Variants in PDE4D observed in about 807,000 individuals in gnomAD.
The protein encoded by PDE4D is phosphodiesterase 4D, also known as 3',5'-cyclic-AMP phosphodiesterase 4D.
PDE4D carries 24 observed loss-of-function variants against 87.4 expected under a neutral mutation model. That is an observed-to-expected ratio of 0.27 (90% confidence interval 0.20 to 0.39). The LOEUF is 0.39. PDE4D is among the 10% of genes least tolerant of loss of function. The probability of loss-of-function intolerance (pLI) is 1.00; values close to 1 mark genes in which losing one functional copy is unlikely to be tolerated. For synonymous variants in PDE4D, 384 were observed against 383.2 expected (o/e 1.00, Z -0.02); for missense variants, 714 against 1,041.0 (o/e 0.69, Z 4.32).
intron 1 of PDE4D, among the ~76,000 whole-genome samples, chr5:59,678,299 A>T (rs1748448834): frequency 2.0e-5 from 3 of 152,194 alleles, no homozygotes; most frequent in Admixed American, 1.3e-4. Context: ...AAATACAAGG[A>T]GATAAAGAAT....
intron 2 of PDE4D, among the ~76,000 whole-genome samples, chr5:60,126,426 T>C (rs1424304242): frequency 6.6e-6 from 1 of 152,220 alleles, no homozygotes. Flanking sequence ...AGATTTTTTA[T>C]CTGAGTATTT....
At chr5:60,293,847 TAATATGTGGGTTTATG>T (rs1279906140) in intron 1 of PDE4D, among the ~76,000 whole-genome samples, 17 of 152,178 alleles carry the variant, frequency 1.1e-4, no homozygotes, top group African/African-American at 1.4e-4. Flanking sequence ...CTCTTTTGAT[TAATATGTGGGTTTATG>T]AATATGTGGG....
At chr5:59,975,564 T>C (rs1761234556) in intron 3 of PDE4D, among the ~76,000 whole-genome samples, 1 of 152,206 alleles carries the variant, frequency 6.6e-6, no homozygotes, top group Admixed American at 6.5e-5. Context: ...TTCAAATACC[T>C]TCAAATCCCT....
At chr5:59,888,635 T>C (rs1750508083) in intron 1 of PDE4D, among the ~76,000 whole-genome samples, 1 of 152,168 alleles carries the variant, frequency 6.6e-6, no homozygotes, top group African/African-American at 2.4e-5. Flanking sequence ...AGTTTTCCAA[T>C]ATGCTTTTTT....
intron 2 of PDE4D, among the ~76,000 whole-genome samples, chr5:59,990,011 A>C (rs1762845733): frequency 6.6e-6 from 1 of 152,200 alleles, no homozygotes; most frequent in Non-Finnish European, 1.5e-5. Flanking sequence ...CATTGGGATT[A>C]GCACTCATAT....
chr5:60,319,794 A>G (rs1296883119), intron 1 of PDE4D, among the ~76,000 whole-genome samples: 1 of 152,204 alleles, frequency 6.6e-6, no homozygotes, highest in Non-Finnish European at 1.5e-5. Context: ...GCTGCAGAAC[A>G]GTGGATATTG....
intron 1 of PDE4D, among the ~76,000 whole-genome samples, chr5:59,770,740 G>GA (rs1581022244): frequency 1.3e-5 from 2 of 152,154 alleles, no homozygotes; most frequent in African/African-American, 4.8e-5. Flanking sequence ...AAATATTTTA[G>GA]AAAAAATCTC....
At chr5:60,037,361 C>A (rs1767930435) in intron 2 of PDE4D, among the ~76,000 whole-genome samples, 1 of 152,068 alleles carries the variant, frequency 6.6e-6, no homozygotes, top group Non-Finnish European at 1.5e-5. Flanking sequence ...CTTATTGGTA[C>A]TAGATCTTTA....
At chr5:59,835,171 A>G (rs1313581596) in intron 1 of PDE4D, among the ~76,000 whole-genome samples, 1 of 152,068 alleles carries the variant, frequency 6.6e-6, no homozygotes, top group Non-Finnish European at 1.5e-5. Flanking sequence ...TATTCTTGAG[A>G]AATTACTCAA....
chr5:60,463,494 CAT>C lies in PDE4D; in HGVS notation c.-90+24446_-90+24447del, dbSNP rs1185642073. Among the ~76,000 whole-genome samples the C allele has an allele frequency of 9.2e-5, 14 of 152,202 alleles. No individual in the cohort carries two copies. In the East Asian group the frequency reaches 2.7e-3, roughly 29 times the overall value. ...ACAATTATCCTGGGAGCTTCTCTAA[CAT>C]ACAGATTCCCAAGCAGCTCCCCACA... is the stretch of plus-strand genomic sequence containing the variant. On this transcript the variant is annotated intron_variant, in intron 1 of 16. Coordinates refer to the PDE4D transcript ENST00000502484.
chr5:60,329,202 C>CCTCATAATCCTCT (rs1008387132), intron 1 of PDE4D, among the ~76,000 whole-genome samples: 6 of 152,126 alleles, frequency 3.9e-5, no homozygotes, highest in African/African-American at 1.4e-4. Context: ...CCCATAATCC[C>CCTCATAATCCTCT]CATGTGTCAT....
intron 1 of PDE4D, among the ~76,000 whole-genome samples, chr5:59,626,001 T>G (rs921815220): frequency 6.6e-6 from 1 of 152,134 alleles, no homozygotes; most frequent in African/African-American, 2.4e-5. Context: ...GGCAGGAGAA[T>G]GGCATGAACC....
intron 6 of PDE4D, among the ~76,000 whole-genome samples, chr5:59,029,955 T>C (rs1466024207): frequency 6.6e-6 from 1 of 152,144 alleles, no homozygotes; most frequent in Non-Finnish European, 1.5e-5. Context: ...TCTCTTCAAA[T>C]AGTGTTGGGA....
At chr5:59,132,987 G>T (rs944224117) in intron 5 of PDE4D, among the ~76,000 whole-genome samples, 1 of 152,126 alleles carries the variant, frequency 6.6e-6, no homozygotes, top group Admixed American at 6.5e-5. Context: ...GTATGTCAAA[G>T]AATACATTGG....
At chr5:60,046,302 T>G (rs1321894312) in intron 2 of PDE4D, among the ~76,000 whole-genome samples, 1 of 152,192 alleles carries the variant, frequency 6.6e-6, no homozygotes, top group Non-Finnish European at 1.5e-5. Flanking sequence ...TACAATCATG[T>G]CGTCTGCAAA....
In PDE4D at chr5:59,180,617, G is replaced by C; in HGVS notation, c.786C>G (p.Ser262=). 3 of 1,613,290 alleles carry C rather than the reference G, an allele frequency of 1.9e-6. No homozygotes were observed. The highest frequency in any genetic ancestry group is 2.5e-6 in the Non-Finnish European group (3 of 1,179,544). Residue 262 remains serine (S), a synonymous_variant, in exon 5 of 15, where the codon TCC becomes TCG. Coordinates refer to ENST00000340635, the MANE Select transcript of PDE4D (RefSeq NM_001104631.2). The part of the protein sequence containing the change: ...SKRSPMCNQP[S]INKATITEEA... ...TACCTGTTATGGTGGCTTTGTTGATGGATGGTTGGTTGCACATGGGTGATC... is the reference window on the plus strand; with the variant it reads ...TACCTGTTATGGTGGCTTTGTTGATCGATGGTTGGTTGCACATGGGTGATC...
intron 5 of PDE4D, chr5:59,166,395 C>T (rs1180595226): frequency 6.6e-6 from 1 of 152,086 alleles, no homozygotes; most frequent in African/African-American, 2.4e-5. Context: ...TTTCCAGTAC[C>T]CTCAACAGTT....
chr5:59,552,346 T>C (rs1818262433), intron 1 of PDE4D, among the ~76,000 whole-genome samples: 1 of 152,222 alleles, frequency 6.6e-6, no homozygotes, highest in South Asian at 2.1e-4. Flanking sequence ...TCATTTCTAA[T>C]AACATTTCAA....
At chr5:60,416,601 G>A (rs58376959) in intron 1 of PDE4D, among the ~76,000 whole-genome samples, 8,758 of 152,182 alleles carry the variant, frequency 0.058, 342 homozygotes, top group East Asian at 0.14. Flanking sequence ...AGGAAACTCC[G>A]AACACATCCG....
Sources: allele counts gnomAD v4.1 joint callset (sites outside exome capture counted in the v4.1 genomes callset), GRCh38; gene constraint gnomAD v4.1.1; transcripts MANE v1.5; gene names NCBI Gene and HGNC (gene_info 2026-07-23, HGNC 2026-07-21).